WDR19: variants seen among roughly 807,000 people sequenced by gnomAD.
The protein encoded by WDR19 is WD repeat domain 19, also known as WD repeat-containing protein 19.
Under a neutral mutation model 180.0 loss-of-function variants are expected in WDR19, and 121 were observed. That is an observed-to-expected ratio of 0.67 (90% confidence interval 0.58 to 0.78). The LOEUF is 0.78. Ranked by LOEUF, WDR19 falls within the 30% of genes least tolerant of loss-of-function variation. The pLI is 0.00. For synonymous variants in WDR19, 497 were observed against 540.7 expected (o/e 0.92, Z 1.12); for missense variants, 1,450 against 1,640.7 (o/e 0.88, Z 2.01).
chr4:39,267,982 G>T lies in WDR19; in HGVS notation c.3262-13G>T, dbSNP rs368192820. The T allele has an allele frequency of 1.0e-5, 16 of 1,589,798 alleles. No individual in the cohort carries two copies. Among genetic ancestry groups the T allele is most frequent in the Non-Finnish European group, 1.3e-5 (15 of 1,167,248 alleles). ...TGAAGAAAGTAATGTTTCTATAATG[G>T]TTTATGTGTCAGGATGCCAAGTACC... is the stretch of plus-strand genomic sequence containing the variant. On this transcript the variant is annotated splice_polypyrimidine_tract_variant and intron_variant, in intron 29 of 36. Coordinates refer to ENST00000399820, the MANE Select transcript of WDR19 (RefSeq NM_025132.4).
intron 36 of WDR19, among the ~76,000 whole-genome samples, chr4:39,280,116 C>CTTTTTTT (rs1736329750): frequency 7.6e-5 from 4 of 52,472 alleles, no homozygotes; most frequent in African/African-American, 1.6e-4. Flanking sequence ...TTTCCCTTTT[C>CTTTTTTT]TTGTTTTTTT....
In WDR19 at chr4:39,228,583, A is replaced by G. The variant is rs998510920; in HGVS notation, c.1875A>G (p.Gly625=). The change falls in exon 17 of 37, where the codon GGA becomes GGG. Residue 625 remains glycine, a synonymous_variant. Coordinates refer to ENST00000399820, the MANE Select transcript of WDR19 (RefSeq NM_025132.4). ...NGELTCQTQS[G]KVNNIYLSTH... is the part of the protein sequence containing the mutation. ...AGCTGACCTGCCAAACACAGAGTGG[A>G]AAAGTAAACAACATCTACCTTAGCA... The G allele has an allele frequency of 1.9e-6, 3 of 1,613,828 alleles. No individual in the cohort carries two copies. The highest frequency in any genetic ancestry group is 2.7e-5 in the African/African-American group (2 of 74,908).
intron 36 of WDR19, among the ~76,000 whole-genome samples, chr4:39,283,112 G>T (rs1399642180): frequency 6.6e-6 from 1 of 152,160 alleles, no homozygotes; most frequent in African/African-American, 2.4e-5. Context: ...AGATTTTTCA[G>T]AGAGGTCTCC....
chr4:39,264,957 G>A (rs953833783), intron 28 of WDR19, among the ~76,000 whole-genome samples: 4 of 145,558 alleles, frequency 2.7e-5, no homozygotes, highest in Admixed American at 7.0e-5. Flanking sequence ...TCACGCTGTC[G>A]CCCAGGCCGG....
chr4:39,192,131 G>T (rs1726224798), intron 4 of WDR19, among the ~76,000 whole-genome samples: 1 of 152,152 alleles, frequency 6.6e-6, no homozygotes, highest in Non-Finnish European at 1.5e-5. Context: ...GTAACTGTCA[G>T]TGCTGATAAA....
chr4:39,228,511 C>T lies in WDR19; in HGVS notation c.1803C>T (p.Ser601=), dbSNP rs1730519346. Residue 601 remains serine, a synonymous_variant, in exon 17 of 37, where the codon AGC becomes AGT. Coordinates refer to ENST00000399820, the MANE Select transcript of WDR19 (RefSeq NM_025132.4). ...IQGAKVILAG[S]TKVPFAHKPL... Reference sequence around the variant, plus strand: ...GAGCCAAGGTTATTTTGGCTGGTAGCACCAAAGTTCCTTTTGCTCATAAAC... The same window carrying T: ...GAGCCAAGGTTATTTTGGCTGGTAGTACCAAAGTTCCTTTTGCTCATAAAC... The T allele has an allele frequency of 6.2e-7, 1 of 1,613,732 alleles. No homozygotes were observed. Among genetic ancestry groups the T allele is most frequent in the Non-Finnish European group, 8.5e-7 (1 of 1,179,800 alleles).
At chr4:39,224,796 A>G (rs1730071222) in intron 14 of WDR19, 88 bp from the exon 15 acceptor site, 2 of 1,158,368 alleles carry the variant, frequency 1.7e-6, no homozygotes, top group South Asian at 3.6e-5. Context: ...TCTTAAAATT[A>G]GAACATATGT....
At position 39,186,624 on chromosome 4, in the gene WDR19, T is replaced by TA. The variant is rs773345613; in HGVS notation, c.164+27dup. The TA allele has an allele frequency of 1.0e-5, 15 of 1,502,536 alleles. No homozygotes were observed. Among genetic ancestry groups the TA allele is most frequent in the South Asian group, 4.0e-5 (3 of 75,710 alleles). 93.1% of individuals were successfully genotyped at this position (1,502,536 alleles called of 1,614,324 possible). ...ACCTGGGTAAGTACAGAAGTAGATT[T>TA]AAAAAAACCTGTCAAGTTTTGTTGC... On this transcript the variant is annotated intron_variant, in intron 3 of 36. Transcript: ENST00000399820.
chr4:39,215,684 A>G (rs1728995123), intron 10 of WDR19, among the ~76,000 whole-genome samples, 157 bp from the exon 11 acceptor site: 1 of 152,160 alleles, frequency 6.6e-6, no homozygotes, highest in Non-Finnish European at 1.5e-5. Flanking sequence ...ATGCCAATCC[A>G]TGGCAAATTT....
intron 36 of WDR19, among the ~76,000 whole-genome samples, chr4:39,281,503 T>C (rs1736541359): frequency 6.6e-6 from 1 of 152,098 alleles, no homozygotes; most frequent in Admixed American, 6.5e-5. Context: ...TCTCTTAAAG[T>C]CAGGTACTGT....
intron 12 of WDR19, among the ~76,000 whole-genome samples, chr4:39,216,677 C>G (rs1423050236): frequency 6.6e-6 from 1 of 152,184 alleles, no homozygotes; most frequent in African/African-American, 2.4e-5. Context: ...TCTGTCTCCC[C>G]TTTTATTCTT....
chr4:39,265,770 CAAAAAAAAAAAA>C (rs11326526), intron 28 of WDR19, among the ~76,000 whole-genome samples: 1 of 81,084 alleles, frequency 1.2e-5, no homozygotes, highest in African/African-American at 5.4e-5. Flanking sequence ...GACTCTGTCT[CAAAAAAAAAAAA>C]AAAAAAAAAA....
In WDR19 at chr4:39,283,655, G is replaced by A. The variant is rs1460841973; in HGVS notation, c.*14-1832G>A. 2.6e-5 allele frequency among the ~76,000 whole-genome samples: 4 copies of A among 151,586 alleles called. No homozygotes were observed. In the East Asian group the frequency reaches 7.7e-4, roughly 29 times the overall value. ...CACATTATAAATCCTGTAATACAATGATATAATTTTTCTTTAGTTGTGTCT... is the reference window on the plus strand; with the variant it reads ...CACATTATAAATCCTGTAATACAATAATATAATTTTTCTTTAGTTGTGTCT... On this transcript the variant is annotated intron_variant, in intron 36 of 36. Coordinates refer to ENST00000399820, the MANE Select transcript of WDR19 (RefSeq NM_025132.4).
At chr4:39,191,244 C>A (rs1003644243) in intron 4 of WDR19, among the ~76,000 whole-genome samples, 27 of 152,312 alleles carry the variant, frequency 1.8e-4, no homozygotes, top group African/African-American at 5.1e-4. Context: ...CAATCTGTTA[C>A]ACTAGCTAGT....
chr4:39,283,602 T>C (rs944556361), intron 36 of WDR19, among the ~76,000 whole-genome samples: 3 of 151,878 alleles, frequency 2.0e-5, no homozygotes, highest in Non-Finnish European at 2.9e-5. Flanking sequence ...ATTATATATA[T>C]ACACACACAC....
intron 36 of WDR19, among the ~76,000 whole-genome samples, chr4:39,279,270 T>C (rs1245893801): frequency 6.6e-6 from 1 of 152,234 alleles, no homozygotes; most frequent in Non-Finnish European, 1.5e-5. Flanking sequence ...ACACTTAGCC[T>C]GGTTAGATAG....
At chr4:39,267,866 A>G (rs2109489807) in intron 29 of WDR19, 129 bp from the exon 30 acceptor site, 1 of 819,910 alleles carries the variant, frequency 1.2e-6, no homozygotes. Context: ...TTCTTTATTC[A>G]TTGAGTTTTT....
intron 9 of WDR19, among the ~76,000 whole-genome samples, chr4:39,207,641 T>C (rs1445318680): frequency 6.6e-6 from 1 of 152,232 alleles, no homozygotes; most frequent in Non-Finnish European, 1.5e-5. Flanking sequence ...TGAAATTCTT[T>C]ATCCGGTGAC....
At chr4:39,228,441 C>A in intron 16 of WDR19, 45 bp from the exon 17 acceptor site, 1 of 1,604,952 alleles carries the variant, frequency 6.2e-7, no homozygotes, top group Non-Finnish European at 8.5e-7. Context: ...GATGTTTGTG[C>A]TGAGTATTAG....
Sources: allele counts gnomAD v4.1 joint callset (sites outside exome capture counted in the v4.1 genomes callset), GRCh38; gene constraint gnomAD v4.1.1; transcripts MANE v1.5; gene names NCBI Gene and HGNC (gene_info 2026-07-23, HGNC 2026-07-21).